DGAT2L6: variants seen among roughly 807,000 people sequenced by gnomAD.
The protein encoded by DGAT2L6 is diacylglycerol O-acyltransferase 2 like 6, also known as diacylglycerol O-acyltransferase 2-like protein 6.
Under a neutral mutation model 25.5 loss-of-function variants are expected in DGAT2L6, and 22 were observed. That is an observed-to-expected ratio of 0.86 (90% CI 0.62 to 1.23). The LOEUF (loss-of-function observed/expected upper bound fraction) is 1.23, where lower values mean the gene tolerates loss of function less well. DGAT2L6 is among the 50% of genes most tolerant of loss of function. The pLI, the probability that DGAT2L6 is intolerant of heterozygous loss-of-function variation, is 0.00. For synonymous variants in DGAT2L6, 100 were observed against 94.7 expected, an observed-to-expected ratio of 1.06 and a Z score of -0.32; for missense variants, 287 against 253.2, an observed-to-expected ratio of 1.13 and a Z score of -0.91.
intron 4 of DGAT2L6, among the ~76,000 whole-genome samples, chrX:70,200,783 A>G (rs747704684): frequency 8.9e-6 from 1 of 111,976 alleles, no homozygotes; most frequent in East Asian, 2.8e-4. Flanking sequence ...ACACAAATCC[A>G]GGGAAAAGCA....
chrX:70,189,728 G>T (rs939253093), intron 1 of DGAT2L6, among the ~76,000 whole-genome samples: 3 of 111,924 alleles, frequency 2.7e-5, no homozygotes, highest in Non-Finnish European at 5.6e-5. Flanking sequence ...GAAGCAAAAG[G>T]TTGTAATCTC....
At chrX:70,196,713 T>C (rs2085393228) in intron 1 of DGAT2L6, among the ~76,000 whole-genome samples, 1 of 110,444 alleles carries the variant, frequency 9.1e-6, no homozygotes, top group Non-Finnish European at 1.9e-5. Flanking sequence ...AATGAAAAGA[T>C]AGACACAGAT....
At chrX:70,188,976 CAAAAAA>C (rs200306182) in intron 1 of DGAT2L6, among the ~76,000 whole-genome samples, 1 of 42,319 alleles carries the variant, frequency 2.4e-5, no homozygotes, top group Admixed American at 3.4e-4. Context: ...AGGGCATCTA[CAAAAAA>C]AAAAAAAAAA....
intron 1 of DGAT2L6, among the ~76,000 whole-genome samples, chrX:70,182,245 G>T (rs1239020242): frequency 9.0e-6 from 1 of 110,760 alleles, no homozygotes; most frequent in Non-Finnish European, 1.9e-5. Context: ...GCTTGGAGGA[G>T]ATTTGGAACA....
At chrX:70,199,754 G>A in intron 2 of DGAT2L6, 58 bp from the exon 3 acceptor site, 6 of 1,114,293 alleles carry the variant, frequency 5.4e-6, no homozygotes, top group Non-Finnish European at 7.4e-6. Flanking sequence ...CCTCCTCTGG[G>A]AGAGGTAGAG....
intron 1 of DGAT2L6, among the ~76,000 whole-genome samples, chrX:70,186,040 A>G (rs2085358837): frequency 8.9e-6 from 1 of 111,771 alleles, no homozygotes; most frequent in Admixed American, 9.5e-5. Flanking sequence ...CTCGTTGCCT[A>G]TATCCTTACA....
chrX:70,188,931 A>G (rs1431593626), intron 1 of DGAT2L6, among the ~76,000 whole-genome samples: 1 of 104,180 alleles, frequency 9.6e-6, no homozygotes, highest in Non-Finnish European at 2.0e-5. Context: ...CTCTCAGCAA[A>G]CTAGGAATAG....
chrX:70,191,132 A>G (rs2085374385), intron 1 of DGAT2L6, among the ~76,000 whole-genome samples: 1 of 112,506 alleles, frequency 8.9e-6, no homozygotes, highest in Admixed American at 9.4e-5. Flanking sequence ...CAAACATGAC[A>G]TCATGGAAGA....
chrX:70,177,726 C>T, intron 1 of DGAT2L6, 59 bp downstream of exon 1: 2 of 1,022,384 alleles, frequency 2.0e-6, no homozygotes, highest in Non-Finnish European at 2.7e-6. Context: ...AGTGGCCAAT[C>T]TCCAGATGAG....
chrX:70,180,221 C>G (rs370099523), intron 1 of DGAT2L6, among the ~76,000 whole-genome samples: 3 of 110,980 alleles, frequency 2.7e-5, no homozygotes, highest in Non-Finnish European at 5.7e-5. Flanking sequence ...GAGGCCGAGG[C>G]GGGTGGATCA....
intron 1 of DGAT2L6, among the ~76,000 whole-genome samples, chrX:70,194,954 C>A (rs1051150169): frequency 9.0e-6 from 1 of 111,626 alleles, no homozygotes; most frequent in Admixed American, 9.5e-5. Flanking sequence ...GAAAAGGCAA[C>A]CCACAGAATG....
intron 1 of DGAT2L6, among the ~76,000 whole-genome samples, chrX:70,185,728 G>A (rs2085357387): frequency 9.0e-6 from 1 of 111,136 alleles, no homozygotes; most frequent in Non-Finnish European, 1.9e-5. Flanking sequence ...ATATGAGGTA[G>A]GCTCATCAAT....
intron 1 of DGAT2L6, among the ~76,000 whole-genome samples, chrX:70,189,577 C>G (rs2085369611): frequency 9.0e-6 from 1 of 111,662 alleles, no homozygotes; most frequent in Admixed American, 9.5e-5. Flanking sequence ...TAATGCAATT[C>G]AAGTAAAAAT....
chrX:70,195,852 T>C (rs1294842487), intron 1 of DGAT2L6, among the ~76,000 whole-genome samples: 1 of 111,748 alleles, frequency 8.9e-6, no homozygotes, highest in Non-Finnish European at 1.9e-5. Context: ...AAAATTTCAG[T>C]TACAAAAAGA....
intron 1 of DGAT2L6, among the ~76,000 whole-genome samples, chrX:70,190,443 GT>G (rs1290534396): frequency 1.8e-5 from 2 of 111,880 alleles, no homozygotes; most frequent in African/African-American, 6.5e-5. Flanking sequence ...AAGGAAGGCT[GT>G]TTTGAGAGGG....
Position 70,196,496 on chromosome X carries a change from AAAAAAAG to A in DGAT2L6, c.86-2771_86-2765del, listed in dbSNP as rs1334066803. Among the ~76,000 whole-genome samples the A allele has an allele frequency of 1.1e-3, 112 of 106,338 alleles. 2 individuals are homozygous for A. Among genetic ancestry groups the A allele is most frequent in the Non-Finnish European group, 1.9e-3 (97 of 51,617 alleles). 92.3% of individuals were successfully genotyped at this position (106,338 alleles called of 115,157 possible). On this transcript the variant is annotated intron_variant, in intron 1 of 6. Transcript: ENST00000333026. Reference sequence around the variant, plus strand: ...AACCAGATCCTGTCTCAAAAAAAAAAAAAAAAGAAAGAAAAAAGAAAAAAAAAGAAAA... The same window carrying A: ...AACCAGATCCTGTCTCAAAAAAAAAAAAAGAAAAAAGAAAAAAAAAGAAAA...
Position 70,202,040 on chromosome X carries a change from T to G in DGAT2L6, c.623T>G (p.Phe208Cys), listed in dbSNP as rs773688896. 2.5e-6 allele frequency: 3 copies of G among 1,199,299 alleles called. No homozygotes were observed. The highest frequency in any genetic ancestry group is 4.5e-5 in the Admixed American group (2 of 44,279). Residue 208 changes from phenylalanine (F) to cysteine (C), a missense_variant, in exon 5 of 7, where the codon TTT (phenylalanine) becomes TGT (cysteine). Physicochemically the swap from Phe to Cys is radical, Grantham distance 205. Coordinates refer to ENST00000333026, the MANE Select transcript of DGAT2L6 (RefSeq NM_198512.3). ...CTCTTCCTCAAGCAGCGTAAAGGTT[T>G]TGTGAAGATGGCACTGCAAACAGGG... ...STLFLKQRKG[F>C]VKMALQTGAY...
Position 70,194,514 on chromosome X carries a change from A to G in DGAT2L6, c.86-4757A>G, listed in dbSNP as rs189729249. Among the ~76,000 whole-genome samples the G allele has an allele frequency of 6.4e-3, 722 of 112,359 alleles. 3 individuals are homozygous for G. Among genetic ancestry groups the G allele is most frequent in the African/African-American group, 0.022 (675 of 30,972 alleles). On this transcript the variant is annotated intron_variant, in intron 1 of 6. Coordinates refer to ENST00000333026, the MANE Select transcript of DGAT2L6 (RefSeq NM_198512.3). ...ACTATATTACAAAGCCATAGTAATCAAAACACTATGGTACTGACATAAAAA... is the reference window on the plus strand; with the variant it reads ...ACTATATTACAAAGCCATAGTAATCGAAACACTATGGTACTGACATAAAAA...
Position 70,199,319 on chromosome X carries a change from T to A in DGAT2L6, c.134T>A (p.Phe45Tyr). 8.4e-7 allele frequency: 1 copy of A among 1,196,166 alleles called. No individual in the cohort carries two copies. Among genetic ancestry groups the A allele is most frequent in the Non-Finnish European group, 1.1e-6 (1 of 886,846 alleles). The change falls in exon 2 of 7, where the codon TTC becomes TAC. Residue 45 changes from phenylalanine (F) to tyrosine (Y), a missense_variant. By Grantham distance (22) the Phe-to-Tyr change is conservative. Coordinates refer to ENST00000333026, the MANE Select transcript of DGAT2L6 (RefSeq NM_198512.3). ...LIPYFLLFSK[F>Y]WPLAVLSLAW... Reference sequence around the variant, plus strand: ...CCCTACTTTCTGTTATTCAGTAAGTTCTGGCCCTTGGCTGTGCTCTCCTTA... The same window carrying A: ...CCCTACTTTCTGTTATTCAGTAAGTACTGGCCCTTGGCTGTGCTCTCCTTA...
Sources: gnomAD v4.1 joint callset for allele counts (sites outside exome capture counted in the v4.1 genomes callset) on GRCh38, gnomAD v4.1.1 for gene constraint, MANE v1.5 for transcripts, NCBI Gene and HGNC (gene_info 2026-07-23, HGNC 2026-07-21) for gene names.